GALNT13: variants seen among roughly 807,000 people sequenced by gnomAD.
GALNT13 encodes polypeptide N-acetylgalactosaminyltransferase 13.
Under a neutral mutation model 64.2 loss-of-function variants are expected in GALNT13, and 28 were observed. That is an observed-to-expected ratio of 0.44 (90% confidence interval 0.32 to 0.60). The LOEUF is 0.60. GALNT13 is among the 20% of genes least tolerant of loss of function. The pLI, the probability that GALNT13 is intolerant of heterozygous loss-of-function variation, is 0.05. For synonymous variants in GALNT13, 214 were observed against 224.6 expected, an observed-to-expected ratio of 0.95 and a Z score of 0.42; for missense variants, 577 against 669.8, an observed-to-expected ratio of 0.86 and a Z score of 1.53.
chr2:153,811,887 T>C, the GALNT13 span, among the ~76,000 whole-genome samples: 1 of 152,222 alleles, frequency 6.6e-6, no homozygotes, highest in Non-Finnish European at 1.5e-5. Context: ...AGAGCTTATA[T>C]GTTTTCTCAA....
chr2:153,288,452 C>G, the GALNT13 span, among the ~76,000 whole-genome samples: 90 of 152,278 alleles, frequency 5.9e-4, no homozygotes, highest in African/African-American at 2.0e-3. Flanking sequence ...TTAAATTGGA[C>G]ACCATTCTGA....
the GALNT13 span, among the ~76,000 whole-genome samples, chr2:153,518,572 T>C: frequency 3.3e-5 from 5 of 152,178 alleles, no homozygotes; most frequent in Non-Finnish European, 5.9e-5. Flanking sequence ...AACCTCTTTG[T>C]ATTCTAGGTA....
At chr2:153,327,206 C>A in the GALNT13 span, among the ~76,000 whole-genome samples, 1 of 152,146 alleles carries the variant, frequency 6.6e-6, no homozygotes, top group Non-Finnish European at 1.5e-5. Context: ...GTGGGTAACC[C>A]TATTCTTCTC....
chr2:153,810,958 A>G, the GALNT13 span, among the ~76,000 whole-genome samples: 11 of 152,180 alleles, frequency 7.2e-5, no homozygotes, highest in African/African-American at 2.7e-4. Context: ...GTTTTACTAT[A>G]TTTGTGATTT....
chr2:153,393,216 C>A, the GALNT13 span, among the ~76,000 whole-genome samples: 2 of 151,740 alleles, frequency 1.3e-5, no homozygotes, highest in Non-Finnish European at 1.5e-5. Context: ...TTAGACCAAT[C>A]GACTAATCTT....
chr2:154,370,246 C>G (rs887486265), intron 9 of GALNT13, among the ~76,000 whole-genome samples: 2 of 152,012 alleles, frequency 1.3e-5, no homozygotes, highest in African/African-American at 4.8e-5. Context: ...TGAAGGTCTT[C>G]TAGACTAGTC....
chr2:153,397,870 A>G, the GALNT13 span, among the ~76,000 whole-genome samples: 5 of 152,072 alleles, frequency 3.3e-5, no homozygotes, highest in Non-Finnish European at 5.9e-5. Context: ...TGAAATTTCC[A>G]CTGACTTACC....
rs958110060 is a variant in GALNT13 at position 153,872,638 on chromosome 2, G to A, written c.-177+335G>A. ...TGGTGGCGGGGGGGGGGGGGGGAGC[G>A]GCTCTGGCCCCCTCTGCGTTCTGGT... On this transcript the variant is annotated intron_variant, in intron 1 of 12. Coordinates refer to ENST00000392825, the MANE Select transcript of GALNT13 (RefSeq NM_052917.4). Among the ~76,000 whole-genome samples the A allele has an allele frequency of 2.8e-5, 4 of 145,408 alleles. 1 individual carries two copies. The highest frequency in any genetic ancestry group is 1.0e-4 in the African/African-American group (4 of 38,944).
At chr2:153,943,303 T>C (rs972342636) in intron 2 of GALNT13, among the ~76,000 whole-genome samples, 1 of 152,142 alleles carries the variant, frequency 6.6e-6, no homozygotes, top group Non-Finnish European at 1.5e-5. Context: ...TGTTAATATA[T>C]TTTTCCCCTG....
At chr2:153,454,562 C>A in the GALNT13 span, among the ~76,000 whole-genome samples, 2 of 152,180 alleles carry the variant, frequency 1.3e-5, no homozygotes, top group African/African-American at 4.8e-5. Flanking sequence ...CACCAGCATT[C>A]CTTAGCTCAG....
intron 3 of GALNT13, among the ~76,000 whole-genome samples, chr2:154,059,680 A>G (rs1028164378): frequency 1.3e-5 from 2 of 152,062 alleles, no homozygotes; most frequent in Non-Finnish European, 2.9e-5. Flanking sequence ...AAGCAGTTCT[A>G]CTAATAGTTG....
chr2:153,933,611 A>G (rs1391836240), intron 2 of GALNT13, among the ~76,000 whole-genome samples: 1 of 152,110 alleles, frequency 6.6e-6, no homozygotes. Context: ...ATATGTGTAG[A>G]TTTGATCCTG....
At chr2:153,861,241 T>C in the GALNT13 span, among the ~76,000 whole-genome samples, 25 of 152,206 alleles carry the variant, frequency 1.6e-4, no homozygotes, top group Non-Finnish European at 3.5e-4. Flanking sequence ...AAAATATCTA[T>C]TATTATATGT....
At chr2:153,120,687 A>C in the GALNT13 span, among the ~76,000 whole-genome samples, 3 of 152,182 alleles carry the variant, frequency 2.0e-5, no homozygotes, top group Admixed American at 1.3e-4. Flanking sequence ...TATAAAGATA[A>C]ATTATTTGTT....
chr2:153,910,734 A>G (rs1489586264), intron 2 of GALNT13, among the ~76,000 whole-genome samples: 2 of 151,990 alleles, frequency 1.3e-5, no homozygotes, highest in Admixed American at 1.3e-4. Context: ...ATGTAATTGT[A>G]TGGTTTTGAG....
chr2:154,302,080 CAT>C (rs1345724191), intron 9 of GALNT13, among the ~76,000 whole-genome samples: 1 of 151,880 alleles, frequency 6.6e-6, no homozygotes, highest in African/African-American at 2.4e-5. Context: ...TAGAAGTAAA[CAT>C]AGGCTATCAG....
chr2:153,401,149 G>T, the GALNT13 span, among the ~76,000 whole-genome samples: 1 of 152,156 alleles, frequency 6.6e-6, no homozygotes, highest in African/African-American at 2.4e-5. Context: ...TGGTTTCAAA[G>T]AATATCTTTA....
At chr2:153,111,523 G>T in the GALNT13 span, among the ~76,000 whole-genome samples, 9 of 151,932 alleles carry the variant, frequency 5.9e-5, no homozygotes, top group African/African-American at 2.2e-4. Flanking sequence ...GGAGCAATTT[G>T]GTGAGCTTAC....
At chr2:153,790,445 C>G in the GALNT13 span, among the ~76,000 whole-genome samples, 1 of 152,086 alleles carries the variant, frequency 6.6e-6, no homozygotes, top group South Asian at 2.1e-4. Context: ...ATTGGAGGAA[C>G]ATACCTCAAA....
Sources: allele counts gnomAD v4.1 joint callset (sites outside exome capture counted in the v4.1 genomes callset), GRCh38; gene constraint gnomAD v4.1.1; transcripts MANE v1.5; gene names NCBI Gene and HGNC (gene_info 2026-07-23, HGNC 2026-07-21).